SEMA3E: variants seen among roughly 807,000 people sequenced by gnomAD.
SEMA3E encodes the protein semaphorin-3E.
SEMA3E carries 49 observed loss-of-function variants against 93.6 expected under a neutral mutation model. The ratio of observed to expected loss-of-function variants is 0.52; its 90% CI spans 0.42 to 0.66. The LOEUF (loss-of-function observed/expected upper bound fraction) is 0.66. Among genes scored for constraint, SEMA3E ranks in the 30% least tolerant of loss-of-function variants. The probability of loss-of-function intolerance (pLI) is 0.00; values close to 1 mark genes in which losing one functional copy is unlikely to be tolerated. For synonymous variants in SEMA3E, 363 were observed against 330.7 expected, an observed-to-expected ratio of 1.10 and a Z score of -1.06; for missense variants, 906 against 964.8, an observed-to-expected ratio of 0.94 and a Z score of 0.81.
intron 10 of SEMA3E, among the ~76,000 whole-genome samples, chr7:83,401,758 G>C (rs914286214): frequency 6.6e-6 from 1 of 152,056 alleles, no homozygotes; most frequent in Admixed American, 6.6e-5. Context: ...TGACTTGCAA[G>C]TAATCGTGGA....
In SEMA3E at chr7:83,490,880, T is replaced by C. The variant is rs115591961; in HGVS notation, c.116-606A>G. On this transcript the variant is annotated intron_variant, in intron 1 of 16. Transcript: ENST00000643230. ...GAAATGTTGAGCTATGTTTTACCTATATACATGTAAGAAGTCAGAATCTGG... is the reference window on the plus strand; with the variant it reads ...GAAATGTTGAGCTATGTTTTACCTACATACATGTAAGAAGTCAGAATCTGG... Among the ~76,000 whole-genome samples, 419 of 152,252 alleles carry C rather than the reference T, an allele frequency of 2.8e-3. 2 individuals carry two copies. The highest frequency in any genetic ancestry group is 8.3e-3 in the African/African-American group (347 of 41,566).
intron 1 of SEMA3E, among the ~76,000 whole-genome samples, chr7:83,539,297 T>A (rs536867578): frequency 5.9e-5 from 9 of 152,318 alleles, no homozygotes; most frequent in African/African-American, 1.7e-4. Context: ...CGGTGCTTGG[T>A]ATCCCCGAGT....
intron 9 of SEMA3E, among the ~76,000 whole-genome samples, chr7:83,405,158 GA>G (rs202147108): frequency 1.9e-4 from 29 of 150,726 alleles, no homozygotes; most frequent in African/African-American, 4.1e-4. Flanking sequence ...AACTGTATGT[GA>G]AAAAAAAATC....
intron 1 of SEMA3E, among the ~76,000 whole-genome samples, chr7:83,541,645 C>T (rs2091697959): frequency 6.6e-6 from 1 of 152,096 alleles, no homozygotes; most frequent in African/African-American, 2.4e-5. Flanking sequence ...TAACTTTGCC[C>T]TCTTTAAGCA....
At chr7:83,623,374 T>C (rs1047788834) in intron 1 of SEMA3E, among the ~76,000 whole-genome samples, 6 of 152,132 alleles carry the variant, frequency 3.9e-5, no homozygotes, top group African/African-American at 1.2e-4. Flanking sequence ...AAGCACTTCA[T>C]AGCAGATGAA....
At chr7:83,457,967 C>T (rs371630783) in intron 4 of SEMA3E, among the ~76,000 whole-genome samples, 1 of 151,972 alleles carries the variant, frequency 6.6e-6, no homozygotes, top group African/African-American at 2.4e-5. Flanking sequence ...TGCATCAAGC[C>T]TTTAAATGGT....
chr7:83,403,488 A>G (rs1486861506), intron 9 of SEMA3E, among the ~76,000 whole-genome samples: 1 of 151,964 alleles, frequency 6.6e-6, no homozygotes, highest in African/African-American at 2.4e-5. Context: ...TAACTGTGGC[A>G]AGTTTTATTG....
At chr7:83,429,777 T>C (rs1007988871) in intron 4 of SEMA3E, among the ~76,000 whole-genome samples, 1 of 152,184 alleles carries the variant, frequency 6.6e-6, no homozygotes, top group East Asian at 1.9e-4. Flanking sequence ...ATAATACTCA[T>C]AGCTGTTTGA....
chr7:83,564,905 G>T (rs909534783), intron 1 of SEMA3E, among the ~76,000 whole-genome samples: 1 of 152,134 alleles, frequency 6.6e-6, no homozygotes, highest in Non-Finnish European at 1.5e-5. Flanking sequence ...GTGAATCCAG[G>T]TGCTGGTTTT....
chr7:83,484,153 T>G (rs1562802259), intron 2 of SEMA3E, among the ~76,000 whole-genome samples: 1 of 152,214 alleles, frequency 6.6e-6, no homozygotes, highest in Non-Finnish European at 1.5e-5. Context: ...ACTGTTTCTC[T>G]ATCAGATATG....
chr7:83,446,914 C>T (rs1169666934), intron 4 of SEMA3E, among the ~76,000 whole-genome samples: 4 of 152,054 alleles, frequency 2.6e-5, no homozygotes, highest in East Asian at 1.9e-4. Context: ...ACTTAATACA[C>T]GGTAGCTCTA....
intron 16 of SEMA3E, chr7:83,371,559 G>A (rs1296945893): frequency 6.6e-6 from 1 of 152,146 alleles, no homozygotes; most frequent in Non-Finnish European, 1.5e-5. Context: ...CGTAAGGAAT[G>A]TATGTGTTGT....
At chr7:83,522,196 C>G (rs1791063998) in intron 1 of SEMA3E, among the ~76,000 whole-genome samples, 1 of 152,082 alleles carries the variant, frequency 6.6e-6, no homozygotes, top group South Asian at 2.1e-4. Flanking sequence ...GGTACTCTAT[C>G]TACAAATTAC....
intron 2 of SEMA3E, among the ~76,000 whole-genome samples, chr7:83,487,047 C>T (rs1790272479): frequency 6.6e-6 from 1 of 152,088 alleles, no homozygotes; most frequent in African/African-American, 2.4e-5. Flanking sequence ...TCATCACTCT[C>T]CGGGTCTCCT....
chr7:83,541,891 C>T (rs1438745224), intron 1 of SEMA3E, among the ~76,000 whole-genome samples: 1 of 151,928 alleles, frequency 6.6e-6, no homozygotes, highest in African/African-American at 2.4e-5. Flanking sequence ...CATAGGAGAA[C>T]ATACTCTAGA....
intron 1 of SEMA3E, among the ~76,000 whole-genome samples, chr7:83,548,147 C>T (rs1210914237): frequency 6.6e-6 from 1 of 152,090 alleles, no homozygotes; most frequent in Non-Finnish European, 1.5e-5. Context: ...TGAGGCCTTT[C>T]CTTTCTCCAT....
rs1193270418 is a variant in SEMA3E at position 83,466,111 on chromosome 7, T to C, written c.456+371A>G. On this transcript the variant is annotated intron_variant, in intron 4 of 16. Coordinates refer to ENST00000643230, the MANE Select transcript of SEMA3E (RefSeq NM_012431.3). Reference sequence around the variant, plus strand: ...TGTAAAATATTATATTTTATTTATGTAAATTATATATGTACACACACATAC... The same window carrying C: ...TGTAAAATATTATATTTTATTTATGCAAATTATATATGTACACACACATAC... Among the ~76,000 whole-genome samples, 2 of 152,328 alleles carry C rather than the reference T, an allele frequency of 1.3e-5. 1 individual carries two copies. Among genetic ancestry groups the C allele is most frequent in the South Asian group, 4.1e-4 (2 of 4,830 alleles).
chr7:83,393,873 C>T (rs1788066978), intron 13 of SEMA3E, among the ~76,000 whole-genome samples: 1 of 152,060 alleles, frequency 6.6e-6, no homozygotes, highest in Admixed American at 6.6e-5. Context: ...TTTTGAAAAA[C>T]ATTAGTGAAA....
intron 1 of SEMA3E, among the ~76,000 whole-genome samples, chr7:83,565,496 A>G (rs1428256572): frequency 6.6e-6 from 1 of 152,210 alleles, no homozygotes; most frequent in African/African-American, 2.4e-5. Flanking sequence ...CATTCTGCAC[A>G]TATATCCTGG....
Sources: allele counts gnomAD v4.1 joint callset (sites outside exome capture counted in the v4.1 genomes callset), GRCh38; gene constraint gnomAD v4.1.1; transcripts MANE v1.5; gene names NCBI Gene and HGNC (gene_info 2026-07-23, HGNC 2026-07-21).